The following PRKG1 variants were observed in gnomAD, a reference collection of about 807,000 sequenced individuals.
PRKG1 encodes protein kinase cGMP-dependent 1.
A neutral mutation model predicts 88.1 loss-of-function variants in PRKG1; 35 were observed. The ratio of observed to expected loss-of-function variants is 0.40; its 90% confidence interval spans 0.30 to 0.53. The LOEUF (loss-of-function observed/expected upper bound fraction) is 0.53, where lower values mean the gene tolerates loss of function less well. PRKG1 is among the 20% of genes least tolerant of loss of function. PRKG1 has a pLI of 0.59. For synonymous variants in PRKG1, 303 were observed against 292.5 expected (o/e 1.04, Z -0.37); for missense variants, 540 against 839.8 (o/e 0.64, Z 4.41).
At chr10:52,177,866 A>G (rs1392851245) in intron 9 of PRKG1, among the ~76,000 whole-genome samples, 1 of 143,348 alleles carries the variant, frequency 7.0e-6, no homozygotes, top group Admixed American at 6.9e-5. Context: ...TTCTTATTTC[A>G]TTTATTTGGT....
chr10:51,939,391 A>T (rs1842858855), intron 5 of PRKG1, among the ~76,000 whole-genome samples: 3 of 151,972 alleles, frequency 2.0e-5, no homozygotes, highest in Non-Finnish European at 4.4e-5. Context: ...ACCATAATTA[A>T]TTTTTTTAAA....
chr10:51,604,076 A>C (rs1361457741), intron 3 of PRKG1, among the ~76,000 whole-genome samples: 1 of 132,268 alleles, frequency 7.6e-6, no homozygotes, highest in African/African-American at 2.8e-5. Context: ...ATTAATGAAG[A>C]TCTGGTCCCT....
intron 2 of PRKG1, among the ~76,000 whole-genome samples, chr10:51,190,222 A>G (rs1398811602): frequency 6.6e-6 from 1 of 151,994 alleles, no homozygotes; most frequent in Admixed American, 6.6e-5. Context: ...GCAAGTAAAT[A>G]ATAACTAAAT....
chr10:51,159,953 C>T (rs1467764859), intron 2 of PRKG1, among the ~76,000 whole-genome samples: 6 of 105,712 alleles, frequency 5.7e-5, no homozygotes, highest in Non-Finnish European at 7.3e-5. Flanking sequence ...AAATGGGCAG[C>T]CTGATGGTGA....
chr10:52,146,074 A>C (rs1383742255), intron 8 of PRKG1, among the ~76,000 whole-genome samples: 2 of 152,200 alleles, frequency 1.3e-5, no homozygotes, highest in Non-Finnish European at 2.9e-5. Flanking sequence ...GCTGCACTGG[A>C]GACAGTACAT....
intron 1 of PRKG1, among the ~76,000 whole-genome samples, chr10:51,002,974 T>A (rs1842903940): frequency 6.6e-6 from 1 of 152,186 alleles, no homozygotes; most frequent in Non-Finnish European, 1.5e-5. Context: ...AATAAGATGC[T>A]TTTATAAAAA....
intron 2 of PRKG1, among the ~76,000 whole-genome samples, chr10:51,307,831 G>A (rs1012687387): frequency 6.6e-6 from 1 of 152,006 alleles, no homozygotes; most frequent in African/African-American, 2.4e-5. Context: ...ATTTTTCTGT[G>A]TATTAAGAGC....
Position 52,295,906 on chromosome 10 carries a change from G to A in PRKG1, c.*2006G>A, listed in dbSNP as rs1017866978. The A allele has an allele frequency of 6.6e-5, 10 of 151,658 alleles. 1 individual carries two copies. The South Asian group carries it at 1.5e-3, about 22-fold the overall frequency. The allele number at this position is 151,658 out of a possible 1,614,324, so 9.4% of individuals were successfully genotyped here. On this transcript the variant is annotated 3_prime_UTR_variant, in exon 18 of 18. Coordinates refer to ENST00000373980, the MANE Select transcript of PRKG1 (RefSeq NM_006258.4). The stretch of plus-strand genomic sequence containing the variant: ...TATTCTTGTATTTTTGGAGTTTTCC[G>A]TCCCTTACAATTTCTCCAAATTGGT...
At chr10:51,375,228 C>T (rs190937414) in intron 2 of PRKG1, among the ~76,000 whole-genome samples, 2 of 151,832 alleles carry the variant, frequency 1.3e-5, no homozygotes, top group African/African-American at 4.9e-5. Flanking sequence ...CTTGTATATG[C>T]ATTGGAGTCT....
rs530774391 is a variant in PRKG1, at chr10:51,649,666, A to C, written c.593-154919A>C. On this transcript the variant is annotated intron_variant, in intron 3 of 17. Coordinates refer to ENST00000373980, the MANE Select transcript of PRKG1 (RefSeq NM_006258.4). ...AGCGAAGCAAGGAAAGAATGAAGCA[A>C]CAGAAGAACGAAAGCAGGGATTTAT... 3.3e-5 allele frequency among the ~76,000 whole-genome samples: 5 copies of C among 152,338 alleles called. No homozygotes were observed. The South Asian group carries it at 1.0e-3, about 32-fold the overall frequency.
chr10:51,088,815 T>TC (rs1322044818), intron 1 of PRKG1, among the ~76,000 whole-genome samples: 1 of 151,668 alleles, frequency 6.6e-6, no homozygotes, highest in Admixed American at 6.6e-5. Flanking sequence ...ATGATTTTTT[T>TC]TTTTTTTTTT....
intron 3 of PRKG1, among the ~76,000 whole-genome samples, chr10:51,739,664 G>A (rs997274028): frequency 1.3e-5 from 2 of 151,920 alleles, no homozygotes; most frequent in Non-Finnish European, 2.9e-5. Flanking sequence ...ATTTGTCATT[G>A]CTTGATTTCC....
In PRKG1 at chr10:52,280,841, G is replaced by A. The variant is rs1378044801; in HGVS notation, c.1456G>A (p.Ala486Thr). 6.2e-7 allele frequency: 1 copy of A among 1,613,228 alleles called. No homozygotes were observed. Among genetic ancestry groups the A allele is most frequent in the East Asian group, 2.2e-5 (1 of 44,842 alleles). Residue 486 changes from alanine (A) to threonine (T), a missense_variant, in exon 13 of 18, where the codon GCT (alanine) becomes ACT (threonine). By Grantham distance (58) the Ala-to-Thr change is moderately conservative. Coordinates refer to ENST00000373980, the MANE Select transcript of PRKG1 (RefSeq NM_006258.4). The part of the protein sequence containing the change: ...TRFYTACVVE[A>T]FAYLHSKGII... ...ATTTTACACAGCATGTGTGGTAGAAGCTTTTGCCTATCTGCATTCCAAAGG... is the reference window on the plus strand; with the variant it reads ...ATTTTACACAGCATGTGTGGTAGAAACTTTTGCCTATCTGCATTCCAAAGG...
chr10:51,766,704 T>C (rs1363859859), intron 3 of PRKG1, among the ~76,000 whole-genome samples: 2 of 152,074 alleles, frequency 1.3e-5, no homozygotes, highest in Non-Finnish European at 2.9e-5. Flanking sequence ...GGCTTCACCT[T>C]CACAACCTCA....
chr10:51,938,597 A>G (rs1311253435), intron 5 of PRKG1, among the ~76,000 whole-genome samples: 2 of 151,940 alleles, frequency 1.3e-5, no homozygotes, highest in East Asian at 3.9e-4. Context: ...CCTAATACAT[A>G]TGTCATTTTT....
intron 3 of PRKG1, among the ~76,000 whole-genome samples, chr10:51,703,308 A>C (rs900440785): frequency 4.6e-5 from 7 of 152,224 alleles, no homozygotes; most frequent in African/African-American, 1.7e-4. Context: ...TTCCAAAGAC[A>C]AGAACTACAA....
intron 1 of PRKG1, among the ~76,000 whole-genome samples, chr10:51,131,002 G>A (rs999263193): frequency 1.3e-5 from 2 of 152,182 alleles, no homozygotes; most frequent in Non-Finnish European, 2.9e-5. Flanking sequence ...AAGCTGTGCA[G>A]GATGAAAATG....
chr10:51,521,391 T>C (rs1211069612), intron 3 of PRKG1, among the ~76,000 whole-genome samples: 3 of 152,196 alleles, frequency 2.0e-5, no homozygotes, highest in African/African-American at 4.8e-5. Context: ...AAAATAAATG[T>C]TCCCAAAAAT....
At chr10:52,172,207 T>C (rs967173310) in intron 9 of PRKG1, among the ~76,000 whole-genome samples, 4 of 152,216 alleles carry the variant, frequency 2.6e-5, no homozygotes, top group Admixed American at 1.3e-4. Flanking sequence ...TGAATCCCAG[T>C]ATGTGCTTGC....
Sources: gnomAD v4.1 joint callset for allele counts (sites outside exome capture counted in the v4.1 genomes callset) on GRCh38, gnomAD v4.1.1 for gene constraint, MANE v1.5 for transcripts, NCBI Gene and HGNC (gene_info 2026-07-23, HGNC 2026-07-21) for gene names.